ANO1: variants seen among roughly 807,000 people sequenced by gnomAD.
ANO1 encodes the protein anoctamin-1.
Under a neutral mutation model 124.0 loss-of-function variants are expected in ANO1, and 59 were observed. The observed-to-expected ratio is 0.48, with a 90% CI of 0.39 to 0.59. The LOEUF (loss-of-function observed/expected upper bound fraction) is 0.59. Ranked by LOEUF, ANO1 falls within the 20% of genes least tolerant of loss-of-function variation. The pLI, the probability that ANO1 is intolerant of heterozygous loss-of-function variation, is 0.00. For missense variants in ANO1, 1,059 were observed against 1,328.0 expected (o/e 0.80, Z 3.15); for synonymous variants, 529 against 532.0 (o/e 0.99, Z 0.08).
intron 1 of ANO1, among the ~76,000 whole-genome samples, chr11:70,001,563 A>G (rs528600554): frequency 4.0e-4 from 61 of 152,314 alleles, no homozygotes; most frequent in Non-Finnish European, 7.9e-4. Flanking sequence ...GTTGAACAAA[A>G]AAGGCCAGAC....
intron 1 of ANO1, among the ~76,000 whole-genome samples, chr11:70,066,422 T>C (rs1857720200): frequency 6.6e-6 from 1 of 151,996 alleles, no homozygotes; most frequent in Non-Finnish European, 1.5e-5. Context: ...ACATGACTTG[T>C]CCAAAGACAC....
intron 1 of ANO1, among the ~76,000 whole-genome samples, chr11:70,025,593 GTGA>G (rs1313778395): frequency 6.7e-5 from 10 of 149,306 alleles, no homozygotes; most frequent in South Asian, 2.1e-4. Context: ...AGTGATGACA[GTGA>G]TGATGATGAT....
the ANO1 span, among the ~76,000 whole-genome samples, chr11:69,980,447 C>T: frequency 8.6e-3 from 1,310 of 151,896 alleles, 26 homozygotes; most frequent in African/African-American, 0.029. Flanking sequence ...GGTGAAACCC[C>T]GTCTCTACTA....
intron 10 of ANO1, chr11:70,129,183 C>T (rs1278642267): frequency 6.6e-6 from 1 of 152,254 alleles, no homozygotes; most frequent in East Asian, 1.9e-4. Context: ...AAGGCCGGCT[C>T]CTGGCTCGTG....
chr11:70,092,892 TG>T (rs2044687683), intron 2 of ANO1, among the ~76,000 whole-genome samples: 1 of 151,970 alleles, frequency 6.6e-6, no homozygotes, highest in Admixed American at 6.5e-5. Flanking sequence ...GCCTTCAAAG[TG>T]GGTTTACAGG....
At chr11:70,047,195 C>T (rs564690641) in intron 1 of ANO1, among the ~76,000 whole-genome samples, 4 of 151,856 alleles carry the variant, frequency 2.6e-5, no homozygotes, top group Admixed American at 2.0e-4. Flanking sequence ...GAGTATAAGG[C>T]TTTAATAATA....
At chr11:70,023,992 A>G (rs1555002901) in intron 1 of ANO1, among the ~76,000 whole-genome samples, 1 of 152,244 alleles carries the variant, frequency 6.6e-6, no homozygotes, top group East Asian at 1.9e-4. Flanking sequence ...AAAACCCAAG[A>G]CCAGCTTCAG....
chr11:70,115,870 C>T (rs2045956487), intron 7 of ANO1, among the ~76,000 whole-genome samples: 2 of 152,170 alleles, frequency 1.3e-5, no homozygotes, highest in African/African-American at 4.8e-5. Context: ...CCCTTCTCTT[C>T]CTTTAGGTTT....
At chr11:69,995,102 T>TTTTTTTG (rs1565156270) in intron 1 of ANO1, among the ~76,000 whole-genome samples, 10 of 10,286 alleles carry the variant, frequency 9.7e-4, no homozygotes, top group Admixed American at 1.6e-3. Flanking sequence ...TGTTTTTTTT[T>TTTTTTTG]TTTTTTTTTT....
intron 1 of ANO1, among the ~76,000 whole-genome samples, chr11:70,063,506 C>T (rs1555008079): frequency 6.6e-6 from 1 of 152,134 alleles, no homozygotes; most frequent in African/African-American, 2.4e-5. Flanking sequence ...GCTGGGAAGC[C>T]GAGCATTCCC....
At chr11:70,068,507 G>T (rs113055595) in intron 1 of ANO1, among the ~76,000 whole-genome samples, 4 of 152,312 alleles carry the variant, frequency 2.6e-5, no homozygotes, top group African/African-American at 9.6e-5. Context: ...TCAGATAACA[G>T]ATGCGGGGAA....
At chr11:70,059,348 C>CAAAAAA (rs1192273449) in intron 1 of ANO1, among the ~76,000 whole-genome samples, 3 of 75,098 alleles carry the variant, frequency 4.0e-5, no homozygotes, top group East Asian at 3.7e-4. Context: ...GAGACACTGT[C>CAAAAAA]AAAAAAAAAA....
chr11:70,158,591 T>A (rs2047915886), intron 16 of ANO1, among the ~76,000 whole-genome samples: 1 of 152,198 alleles, frequency 6.6e-6, no homozygotes, highest in Non-Finnish European at 1.5e-5. Context: ...CCAGTCAGGC[T>A]GTCTGCTCCA....
At chr11:69,970,087 T>G in the ANO1 span, among the ~76,000 whole-genome samples, 2 of 151,644 alleles carry the variant, frequency 1.3e-5, no homozygotes, top group African/African-American at 2.4e-5. Context: ...GGGGTGAGGG[T>G]GACGTGTTCT....
At chr11:70,113,109 G>A (rs189528820) in intron 7 of ANO1, among the ~76,000 whole-genome samples, 2 of 152,034 alleles carry the variant, frequency 1.3e-5, no homozygotes, top group African/African-American at 2.4e-5. Flanking sequence ...CTTCTGCTAC[G>A]GTACTCTTCC....
At chr11:70,123,102 G>A (rs895524706) in intron 8 of ANO1, among the ~76,000 whole-genome samples, 1 of 152,154 alleles carries the variant, frequency 6.6e-6, no homozygotes, top group African/African-American at 2.4e-5. Flanking sequence ...ATCCTTCAGT[G>A]TAAAGGAGGA....
At chr11:70,003,703 G>A (rs1327180131) in intron 1 of ANO1, among the ~76,000 whole-genome samples, 3 of 151,932 alleles carry the variant, frequency 2.0e-5, no homozygotes, top group Admixed American at 2.0e-4. Flanking sequence ...TTGATGGAGA[G>A]GATGGAGTAA....
chr11:70,006,663 C>CTTTTTTTTTTTTTTTTTTTTTTTT, intron 1 of ANO1, among the ~76,000 whole-genome samples: 1 of 88,996 alleles, frequency 1.1e-5, no homozygotes, highest in Non-Finnish European at 2.1e-5. Context: ...TTTCTTCTTT[C>CTTTTTTTTTTTTTTTTTTTTTTTT]TTTTTTTTTT....
At chr11:70,170,854 G>T in intron 21 of ANO1, 33 bp from the exon 22 acceptor site, 1 of 1,604,982 alleles carries the variant, frequency 6.2e-7, no homozygotes. Context: ...TGTGGCTCAC[G>T]GGGTGCTGAC....
Sources: allele counts gnomAD v4.1 joint callset (sites outside exome capture counted in the v4.1 genomes callset), GRCh38; gene constraint gnomAD v4.1.1; transcripts MANE v1.5; gene names NCBI Gene and HGNC (gene_info 2026-07-23, HGNC 2026-07-21).